NBEA: variants seen among roughly 807,000 people sequenced by gnomAD.
The protein encoded by NBEA is lysosomal-trafficking regulator 2.
Under a neutral mutation model 343.4 loss-of-function variants are expected in NBEA, and 44 were observed. That is an observed-to-expected ratio of 0.13 (90% CI 0.10 to 0.16). The LOEUF (loss-of-function observed/expected upper bound fraction) is 0.16. Among genes scored for constraint, NBEA ranks in the 10% least tolerant of loss-of-function variants. The probability of loss-of-function intolerance (pLI) is 1.00; values close to 1 mark genes in which losing one functional copy is unlikely to be tolerated. For synonymous variants in NBEA, 1,175 were observed against 1,238.7 expected (o/e 0.95, Z 1.08); for missense variants, 2,555 against 3,631.3 (o/e 0.70, Z 7.62).
At chr13:35,635,719 T>C (rs1314358127) in intron 49 of NBEA, among the ~76,000 whole-genome samples, 1 of 152,214 alleles carries the variant, frequency 6.6e-6, no homozygotes, top group Admixed American at 6.5e-5. Flanking sequence ...TTGCAAAGGT[T>C]TGATGAATAA....
intron 38 of NBEA, among the ~76,000 whole-genome samples, chr13:35,391,948 A>T (rs2042519712): frequency 6.6e-6 from 1 of 152,120 alleles, no homozygotes; most frequent in Non-Finnish European, 1.5e-5. Context: ...TGTAAGCAAT[A>T]CCACACATAT....
At chr13:35,106,160 A>G (rs1452217521) in intron 11 of NBEA, among the ~76,000 whole-genome samples, 4 of 152,036 alleles carry the variant, frequency 2.6e-5, no homozygotes, top group African/African-American at 9.7e-5. Context: ...TATAGATCAA[A>G]TTCCAGAGCT....
At chr13:35,242,200 G>A (rs1006654764) in intron 34 of NBEA, among the ~76,000 whole-genome samples, 38 of 151,708 alleles carry the variant, frequency 2.5e-4, no homozygotes, top group Middle Eastern at 3.2e-3. Context: ...ATGAACACAA[G>A]GAGAATATGA....
intron 36 of NBEA, among the ~76,000 whole-genome samples, chr13:35,345,911 T>C (rs1220101552): frequency 2.6e-5 from 4 of 152,070 alleles, no homozygotes; most frequent in Non-Finnish European, 4.4e-5. Flanking sequence ...AGTCAAAGAA[T>C]TGTGAGCTGC....
chr13:34,979,561 C>G (rs1438024866), intron 1 of NBEA, among the ~76,000 whole-genome samples: 1 of 151,948 alleles, frequency 6.6e-6, no homozygotes, highest in Non-Finnish European at 1.5e-5. Flanking sequence ...TGGGAAGTAC[C>G]TATTCAAATC....
chr13:35,430,932 C>T (rs927576856), intron 38 of NBEA, among the ~76,000 whole-genome samples: 6 of 151,966 alleles, frequency 3.9e-5, no homozygotes, highest in South Asian at 2.1e-4. Context: ...AAAATAAGTG[C>T]ATTAAAGCAT....
At chr13:35,566,838 T>TA in intron 44 of NBEA, 67 bp from the exon 45 acceptor site, 2 of 869,138 alleles carry the variant, frequency 2.3e-6, no homozygotes, top group Non-Finnish European at 3.7e-6. Context: ...AGATGCTTTG[T>TA]AAAAACAGAA....
rs537216144 is a variant in NBEA, at chr13:35,030,379, C to CTCTT, written c.295-10541_295-10538dup. 9.8e-3 allele frequency among the ~76,000 whole-genome samples: 1,485 copies of CTCTT among 151,048 alleles called. 27 individuals carry two copies. Among genetic ancestry groups the CTCTT allele is most frequent in the African/African-American group, 0.034 (1,387 of 41,258 alleles). On this transcript the variant is annotated intron_variant, in intron 1 of 58. Transcript: ENST00000379939. ...TCATAGAGCTTTATAAATATCCCCT[C>CTCTT]TCTTTCTTTCTTTCTTAAATCTACA...
chr13:35,510,452 A>G (rs74772359), intron 41 of NBEA, among the ~76,000 whole-genome samples: 54 of 152,286 alleles, frequency 3.5e-4, no homozygotes, highest in African/African-American at 1.3e-3. Context: ...CTATCTGGGT[A>G]AAAGTAATCT....
chr13:34,963,693 C>G (rs934926505), intron 1 of NBEA, among the ~76,000 whole-genome samples: 8 of 150,970 alleles, frequency 5.3e-5, no homozygotes, highest in South Asian at 2.1e-4. Flanking sequence ...TTCCATGCTT[C>G]TACTCTTTTC....
chr13:35,210,277 AGTGTGTGT>A (rs560748566), intron 32 of NBEA, among the ~76,000 whole-genome samples: 1 of 149,930 alleles, frequency 6.7e-6, no homozygotes, highest in African/African-American at 2.4e-5. Context: ...ACTTCTTAAA[AGTGTGTGT>A]GTGTGTGTGT....
At chr13:35,086,762 T>A (rs1157436724) in intron 10 of NBEA, among the ~76,000 whole-genome samples, 1 of 151,870 alleles carries the variant, frequency 6.6e-6, no homozygotes, top group Non-Finnish European at 1.5e-5. Context: ...TGTATTAATT[T>A]ACAGTGTGCA....
intron 45 of NBEA, among the ~76,000 whole-genome samples, chr13:35,574,255 A>G (rs891615066): frequency 2.0e-5 from 3 of 150,440 alleles, no homozygotes; most frequent in African/African-American, 7.3e-5. Context: ...TCCATTCGTT[A>G]CCTATTATTT....
chr13:35,109,327 A>T lies in NBEA; in HGVS notation c.1718A>T (p.Gln573Leu). Residue 573 changes from glutamine (Q) to leucine (L), a missense_variant, in exon 12 of 59, where the codon CAA (glutamine) becomes CTA (leucine). Gln to Leu is a moderately radical substitution (Grantham distance 113). Around this residue, in one of 21 missense-constraint regions of NBEA, gnomAD observed 360 missense variants for 519.1 expected, o/e 0.69. Coordinates refer to ENST00000379939, the MANE Select transcript of NBEA (RefSeq NM_001385012.1). ...CATATAACTAGAGCTGTCCTGGAGCAATTTTTATCTTTTGCAAAATACCTT... is the reference window on the plus strand; with the variant it reads ...CATATAACTAGAGCTGTCCTGGAGCTATTTTTATCTTTTGCAAAATACCTT... The part of the protein sequence containing the change: ...RVHITRAVLE[Q>L]FLSFAKYLDG... 1 of 1,612,198 alleles carries T rather than the reference A, an allele frequency of 6.2e-7. No homozygotes were observed. Among genetic ancestry groups the T allele is most frequent in the South Asian group, 1.1e-5 (1 of 90,938 alleles).
intron 34 of NBEA, among the ~76,000 whole-genome samples, chr13:35,272,500 TAAC>T (rs2034244176): frequency 6.6e-6 from 1 of 152,100 alleles, no homozygotes; most frequent in African/African-American, 2.4e-5. Flanking sequence ...AATTCACACA[TAAC>T]AATATTAACC....
chr13:35,459,677 T>A (rs1490418801), intron 40 of NBEA, among the ~76,000 whole-genome samples: 2 of 152,182 alleles, frequency 1.3e-5, no homozygotes, highest in East Asian at 3.9e-4. Context: ...ACAGGCAAAG[T>A]TGTTTATATA....
At chr13:35,611,613 C>T (rs557321560) in intron 48 of NBEA, among the ~76,000 whole-genome samples, 1 of 152,290 alleles carries the variant, frequency 6.6e-6, no homozygotes, top group East Asian at 1.9e-4. Flanking sequence ...TGCTAATCAA[C>T]TTTTTATCTC....
chr13:35,384,818 G>A (rs745362041), intron 38 of NBEA, among the ~76,000 whole-genome samples: 8 of 152,054 alleles, frequency 5.3e-5, no homozygotes, highest in Middle Eastern at 3.4e-3. Flanking sequence ...GAGCCACCGC[G>A]CCCGGCCTGT....
At chr13:35,066,305 G>A (rs903847468) in intron 8 of NBEA, among the ~76,000 whole-genome samples, 1 of 152,104 alleles carries the variant, frequency 6.6e-6, no homozygotes, top group Non-Finnish European at 1.5e-5. Flanking sequence ...TTAGGATGGT[G>A]TGTTCTAGAG....
Sources: gnomAD v4.1 joint callset for allele counts (sites outside exome capture counted in the v4.1 genomes callset) on GRCh38, gnomAD v4.1.1 for gene constraint, gnomAD v4.1.1 regional missense constraint, MANE v1.5 for transcripts, NCBI Gene and HGNC (gene_info 2026-07-23, HGNC 2026-07-21) for gene names.